BTBD9: variants seen among roughly 807,000 people sequenced by gnomAD.
BTBD9 encodes the protein BTB/POZ domain-containing protein 9.
Under a neutral mutation model 64.3 loss-of-function variants are expected in BTBD9, and 49 were observed. The ratio of observed to expected loss-of-function variants is 0.76; its 90% CI spans 0.61 to 0.97. The LOEUF (loss-of-function observed/expected upper bound fraction) is 0.97, where lower values mean the gene tolerates loss of function less well. Ranked by LOEUF, BTBD9 falls within the 50% of genes least tolerant of loss-of-function variation. The pLI is 0.00. For missense variants in BTBD9, 598 were observed against 762.1 expected, an observed-to-expected ratio of 0.78 and a Z score of 2.53; for synonymous variants, 260 against 274.7, an observed-to-expected ratio of 0.95 and a Z score of 0.53.
At chr6:38,553,177 A>G (rs1299644210) in intron 6 of BTBD9, among the ~76,000 whole-genome samples, 1 of 152,080 alleles carries the variant, frequency 6.6e-6, no homozygotes, top group Non-Finnish European at 1.5e-5. Flanking sequence ...AATATTTTCA[A>G]TCTGCAGTTG....
At chr6:38,228,330 G>A (rs1763471624) in intron 9 of BTBD9, among the ~76,000 whole-genome samples, 2 of 122,276 alleles carry the variant, frequency 1.6e-5, no homozygotes, top group African/African-American at 3.3e-5. Context: ...TGGTGACAGG[G>A]CAAGACCCTG....
In BTBD9 at chr6:38,500,391, C is replaced by T. The variant is rs116317509; in HGVS notation, c.1154+77209G>A. Among the ~76,000 whole-genome samples the T allele has an allele frequency of 2.8e-3, 424 of 152,266 alleles. 2 individuals carry two copies. The highest frequency in any genetic ancestry group is 5.4e-3 in the Non-Finnish European group (368 of 68,016). On this transcript the variant is annotated intron_variant, in intron 6 of 10. Coordinates refer to ENST00000481247, the MANE Select transcript of BTBD9 (RefSeq NM_001099272.2). ...TACCATGAAAAAAAATAAAAATTTACGGCAGTAATTTCATCTGGGTTTTTC... is the reference window on the plus strand; with the variant it reads ...TACCATGAAAAAAAATAAAAATTTATGGCAGTAATTTCATCTGGGTTTTTC...
chr6:38,568,945 C>T (rs1239508364), intron 6 of BTBD9, among the ~76,000 whole-genome samples: 3 of 152,082 alleles, frequency 2.0e-5, no homozygotes, highest in Non-Finnish European at 4.4e-5. Context: ...TACAAGGTAA[C>T]ACAGAAAGAG....
chr6:38,587,246 G>T, intron 4 of BTBD9: 1 of 300,878 alleles, frequency 3.3e-6, no homozygotes, highest in South Asian at 3.6e-5. Context: ...GTGGAGACCT[G>T]TGGAGAGGTG....
intron 6 of BTBD9, among the ~76,000 whole-genome samples, chr6:38,484,920 A>C (rs1295638266): frequency 6.6e-6 from 1 of 152,298 alleles, no homozygotes; most frequent in Middle Eastern, 3.4e-3. Context: ...TAAGACAATG[A>C]TGAAGTCTGC....
At chr6:38,497,025 C>G (rs1479921936) in intron 6 of BTBD9, among the ~76,000 whole-genome samples, 1 of 152,190 alleles carries the variant, frequency 6.6e-6, no homozygotes, top group Non-Finnish European at 1.5e-5. Context: ...GCCCCCTTAT[C>G]AACATGGGAA....
chr6:38,398,462 G>C (rs554511282), intron 6 of BTBD9, among the ~76,000 whole-genome samples: 1 of 152,278 alleles, frequency 6.6e-6, no homozygotes, highest in African/African-American at 2.4e-5. Flanking sequence ...ACATGGGAAG[G>C]AGGAAGTAAA....
At chr6:38,564,779 C>T (rs370403072) in intron 6 of BTBD9, among the ~76,000 whole-genome samples, 7 of 152,124 alleles carry the variant, frequency 4.6e-5, no homozygotes, top group African/African-American at 1.7e-4. Flanking sequence ...GTAATCCCAG[C>T]TACTCGGGAG....
At chr6:38,226,209 G>A (rs888636207) in intron 9 of BTBD9, among the ~76,000 whole-genome samples, 1 of 152,186 alleles carries the variant, frequency 6.6e-6, no homozygotes, top group Non-Finnish European at 1.5e-5. Flanking sequence ...AGGGGGGTGG[G>A]AGTGTGAAAC....
intron 6 of BTBD9, among the ~76,000 whole-genome samples, chr6:38,532,930 G>C (rs992119793): frequency 1.3e-5 from 2 of 151,700 alleles, no homozygotes; most frequent in Admixed American, 1.3e-4. Context: ...TTGGCCACAG[G>C]CGAGTAGAGC....
At chr6:38,356,541 C>T (rs897063273) in intron 6 of BTBD9, among the ~76,000 whole-genome samples, 3 of 152,022 alleles carry the variant, frequency 2.0e-5, no homozygotes, top group African/African-American at 7.2e-5. Context: ...TCTTTTTGGT[C>T]TAGGGTTGCC....
intron 10 of BTBD9, among the ~76,000 whole-genome samples, chr6:38,190,440 G>A (rs1370908863): frequency 1.5e-5 from 2 of 135,342 alleles, no homozygotes; most frequent in African/African-American, 5.7e-5. Flanking sequence ...CTGCACTCCA[G>A]CTTGGGTGAC....
At chr6:38,219,145 T>C (rs1316059418) in intron 9 of BTBD9, among the ~76,000 whole-genome samples, 3 of 144,348 alleles carry the variant, frequency 2.1e-5, no homozygotes, top group Non-Finnish European at 4.5e-5. Flanking sequence ...TTTTTTTTTT[T>C]TTTTTTTTGA....
chr6:38,592,933 C>T, intron 3 of BTBD9, 93 bp from the exon 4 acceptor site: 7 of 1,306,558 alleles, frequency 5.4e-6, no homozygotes, highest in Non-Finnish European at 7.4e-6. Flanking sequence ...TATAACTTAG[C>T]CAATTAACTC....
Position 38,592,793 on chromosome 6 carries a change from T to C in BTBD9, c.597A>G (p.Glu199=), listed in dbSNP as rs757368426. 5 of 1,614,072 alleles carry C rather than the reference T, an allele frequency of 3.1e-6. No homozygotes were observed. In the African/African-American group the frequency reaches 6.7e-5, roughly 22 times the overall value. ...TTAATAAGGCTAGGAAAATATCTTT[T>C]TCGGGAGCTGCAAATGAGTCTCTTA... ...IVLRDSFAAP[E]KDIFLALLNW... Residue 199 remains glutamate (E), a synonymous_variant, in exon 4 of 11, where the codon GAA becomes GAG. Coordinates refer to ENST00000481247, the MANE Select transcript of BTBD9 (RefSeq NM_001099272.2).
chr6:38,403,326 T>C (rs1262788142), intron 6 of BTBD9, among the ~76,000 whole-genome samples: 4 of 152,110 alleles, frequency 2.6e-5, no homozygotes, highest in African/African-American at 4.8e-5. Flanking sequence ...GGTAATTATA[T>C]ACATATGTAT....
Position 38,598,167 on chromosome 6 carries a change from C to T in BTBD9, c.-27-46G>A, listed in dbSNP as rs1777116101. The T allele has an allele frequency of 1.2e-5, 17 of 1,428,944 alleles. No individual in the cohort carries two copies. The South Asian group carries it at 1.9e-4, about 16-fold the overall frequency. The allele number at this position is 1,428,944 out of a possible 1,614,324, so 88.5% of individuals were successfully genotyped here. ...GAGAGTTAGTTGGGGGAGGGGAGTACACATAGAAAATCACTTACCATAAAC... is the reference window on the plus strand; with the variant it reads ...GAGAGTTAGTTGGGGGAGGGGAGTATACATAGAAAATCACTTACCATAAAC... On this transcript the variant is annotated intron_variant, in intron 1 of 10. Coordinates refer to ENST00000481247, the MANE Select transcript of BTBD9 (RefSeq NM_001099272.2).
At chr6:38,577,484 A>G in intron 6 of BTBD9, 116 bp downstream of exon 6, 1 of 988,808 alleles carries the variant, frequency 1.0e-6, no homozygotes, top group Non-Finnish European at 1.5e-6. Context: ...GGATATGTTT[A>G]GTAGTTGACA....
intron 8 of BTBD9, among the ~76,000 whole-genome samples, chr6:38,265,876 T>TA (rs1429836408): frequency 6.6e-6 from 1 of 152,200 alleles, no homozygotes; most frequent in African/African-American, 2.4e-5. Context: ...TTAGAAAGAT[T>TA]AAGTTTTTAA....
Sources: allele counts gnomAD v4.1 joint callset (sites outside exome capture counted in the v4.1 genomes callset), GRCh38; gene constraint gnomAD v4.1.1; transcripts MANE v1.5; gene names NCBI Gene and HGNC (gene_info 2026-07-23, HGNC 2026-07-21).